Variants in RGS3 observed in about 807,000 individuals in gnomAD.
The protein encoded by RGS3 is regulator of G-protein signalling 3.
A neutral mutation model predicts 132.6 loss-of-function variants in RGS3; 80 were observed. The observed-to-expected ratio is 0.60, with a 90% CI of 0.50 to 0.73. The LOEUF (loss-of-function observed/expected upper bound fraction) is 0.73, where lower values mean the gene tolerates loss of function less well. Among genes scored for constraint, RGS3 ranks in the 30% least tolerant of loss-of-function variants. RGS3 has a pLI of 0.00. For synonymous variants in RGS3, 598 were observed against 620.6 expected, an observed-to-expected ratio of 0.96 and a Z score of 0.54; for missense variants, 1,382 against 1,530.8, an observed-to-expected ratio of 0.90 and a Z score of 1.62.
At position 113,554,180 on chromosome 9, in the gene RGS3, G is replaced by A. The variant is rs1833475088; in HGVS notation, c.2037+17262G>A. Among the ~76,000 whole-genome samples the A allele has an allele frequency of 2.6e-5, 4 of 152,274 alleles. No individual in the cohort carries two copies. In the South Asian group the frequency reaches 8.3e-4, roughly 32 times the overall value. On this transcript the variant is annotated intron_variant, in intron 19 of 24. Coordinates refer to ENST00000350696, the Ensembl canonical transcript of RGS3. ...GCATTCCTACTCACAGTGAATGAGA[G>A]TGCCTGCTTCCCTACACCCTGCATA...
chr9:113,588,394 C>T (rs989286317), intron 20 of RGS3, among the ~76,000 whole-genome samples: 2 of 152,216 alleles, frequency 1.3e-5, no homozygotes, highest in African/African-American at 4.8e-5. Context: ...GAGAGGGCAG[C>T]CATGGATGGC....
rs551026711 is a variant in RGS3, at chr9:113,470,528, G to A, written c.415+8327G>A. On this transcript the variant is annotated intron_variant, in intron 3 of 24. Coordinates refer to ENST00000350696, the Ensembl canonical transcript of RGS3. Reference sequence around the variant, plus strand: ...ATGAAGTCTTCTTTATTTCTAGTAGGTATAAAGTCTAATTTTCCTGATATT... The same window carrying A: ...ATGAAGTCTTCTTTATTTCTAGTAGATATAAAGTCTAATTTTCCTGATATT... Among the ~76,000 whole-genome samples the A allele has an allele frequency of 2.6e-5, 4 of 152,230 alleles. No individual in the cohort carries two copies. In the East Asian group the frequency reaches 7.7e-4, roughly 29 times the overall value.
At position 113,565,417 on chromosome 9, in the gene RGS3, G is replaced by T; in HGVS notation, c.2038-18033G>T. On this transcript the variant is annotated intron_variant, in intron 19 of 24. Coordinates refer to ENST00000350696, the Ensembl canonical transcript of RGS3. The surrounding 1 kb of genome is among the most constrained non-coding windows in gnomAD (Gnocchi z 5.7). ...GGAAGAGGAGGAGGACAAGTAGGAG[G>T]AGGAGGAAGAGGAGGAGGGACGGGT... is the stretch of plus-strand genomic sequence containing the variant. 1 of 1,273,972 alleles carries T rather than the reference G, an allele frequency of 7.8e-7. No individual in the cohort carries two copies. Among genetic ancestry groups the T allele is most frequent in the South Asian group, 1.2e-5 (1 of 81,230 alleles). The allele number at this position is 1,273,972 out of a possible 1,614,324, so 78.9% of individuals were successfully genotyped here.
chr9:113,535,994 T>C (rs2118597397), intron 18 of RGS3, among the ~76,000 whole-genome samples: 1 of 152,280 alleles, frequency 6.6e-6, no homozygotes, highest in South Asian at 2.1e-4. Flanking sequence ...ATCCCAGAAG[T>C]CCTTCCTGGC....
chr9:113,491,847 C>A lies in RGS3; in HGVS notation c.690-3939C>A, dbSNP rs909153353. ...GGGATTACAGGCGTGAGCCACTGCG[C>A]CCAGCCAGGGCATAATCTTTTATAC... is the stretch of plus-strand genomic sequence containing the variant. On this transcript the variant is annotated intron_variant, in intron 7 of 24. Transcript: ENST00000350696. Among the ~76,000 whole-genome samples the A allele has an allele frequency of 3.9e-4, 59 of 152,356 alleles. 1 individual carries two copies. The highest frequency in any genetic ancestry group is 1.1e-3 in the African/African-American group (46 of 41,580).
At chr9:113,586,077 A>C (rs935786261) in intron 20 of RGS3, among the ~76,000 whole-genome samples, 1 of 152,226 alleles carries the variant, frequency 6.6e-6, no homozygotes, top group Admixed American at 6.5e-5. Flanking sequence ...CCCAGACCCT[A>C]TATTTTAAAC....
intron 9 of RGS3, 53 bp downstream of exon 7, chr9:113,497,457 T>G: frequency 7.0e-7 from 1 of 1,437,792 alleles, no homozygotes; most frequent in Non-Finnish European, 9.7e-7. Flanking sequence ...CCCTCCCTCC[T>G]TTCCTGCATA....
At chr9:113,596,136 A>C (rs1174746497) in intron 24 of RGS3, among the ~76,000 whole-genome samples, 1 of 152,234 alleles carries the variant, frequency 6.6e-6, no homozygotes, top group African/African-American at 2.4e-5. Flanking sequence ...GGAGTTCGAG[A>C]CCAGCCTGGC....
chr9:113,577,880 A>G (rs1453041882), intron 19 of RGS3, among the ~76,000 whole-genome samples: 2 of 152,254 alleles, frequency 1.3e-5, no homozygotes, highest in African/African-American at 4.8e-5. Context: ...TGACTTGGTC[A>G]ATATCCCTCC....
At chr9:113,467,376 A>G (rs1829677356) in intron 3 of RGS3, among the ~76,000 whole-genome samples, 1 of 152,164 alleles carries the variant, frequency 6.6e-6, no homozygotes, top group Non-Finnish European at 1.5e-5. Context: ...GTTTTTCCAC[A>G]TTCCTTACCA....
At chr9:113,471,046 A>G (rs542507350) in intron 3 of RGS3, among the ~76,000 whole-genome samples, 1 of 152,220 alleles carries the variant, frequency 6.6e-6, no homozygotes, top group South Asian at 2.1e-4. Context: ...CAGACCTAGG[A>G]TGATATTTTC....
At position 113,463,682 on chromosome 9, in the gene RGS3, A is replaced by T; in HGVS notation, c.415+1481A>T. 5 of 1,368,186 alleles carry T rather than the reference A, an allele frequency of 3.7e-6. No individual in the cohort carries two copies. The highest frequency in any genetic ancestry group is 4.7e-6 in the Non-Finnish European group (5 of 1,059,838). 84.8% of individuals were successfully genotyped at this position (1,368,186 alleles called of 1,614,324 possible). Reference sequence around the variant, plus strand: ...GGGCCGGGCGCGCCCTGGCCGTTCCAACGCTTGGGGCAGCCCTACCTCCCG... The same window carrying T: ...GGGCCGGGCGCGCCCTGGCCGTTCCTACGCTTGGGGCAGCCCTACCTCCCG... On this transcript the variant is annotated intron_variant, in intron 3 of 24. Transcript: ENST00000350696. This position sits in a 1 kb window ranked among gnomAD's most constrained non-coding sequence, Gnocchi z 4.6.
At chr9:113,501,179 T>C (rs1050019523) in intron 10 of RGS3, among the ~76,000 whole-genome samples, 3 of 152,116 alleles carry the variant, frequency 2.0e-5, no homozygotes, top group Non-Finnish European at 4.4e-5. Flanking sequence ...GGAGGTGTTG[T>C]TATAGAGCAG....
intron 1 of RGS3, among the ~76,000 whole-genome samples, chr9:113,452,126 G>A (rs535470520): frequency 1.1e-3 from 160 of 152,106 alleles, no homozygotes; most frequent in African/African-American, 3.5e-3. Flanking sequence ...AGCCTCCCGA[G>A]TAGCTAGGAC....
chr9:113,516,877 C>T (rs916081334), intron 15 of RGS3, among the ~76,000 whole-genome samples: 1 of 152,166 alleles, frequency 6.6e-6, no homozygotes, highest in African/African-American at 2.4e-5. Context: ...TTTCTTTAAG[C>T]ACCTTGCTTG....
At chr9:113,538,103 T>C (rs917836442) in intron 19 of RGS3, among the ~76,000 whole-genome samples, 1 of 152,234 alleles carries the variant, frequency 6.6e-6, no homozygotes, top group Non-Finnish European at 1.5e-5. Flanking sequence ...ATCAGTAACC[T>C]GGGACAATAG....
At chr9:113,497,991 A>G in intron 9 of RGS3, 34 bp from the exon 8 acceptor site, 4 of 1,612,616 alleles carry the variant, frequency 2.5e-6, no homozygotes, top group Non-Finnish European at 3.4e-6. Context: ...CTCTGCCACC[A>G]GAAGTTTTCT....
intron 19 of RGS3, among the ~76,000 whole-genome samples, chr9:113,539,397 C>T (rs550610284): frequency 3.9e-4 from 60 of 152,334 alleles, no homozygotes; most frequent in African/African-American, 1.4e-3. Flanking sequence ...GCAGCCTCTG[C>T]CTCCTGGGTT....
At chr9:113,505,513 C>A in exon 11 of RGS3, 1 of 1,614,058 alleles carries the variant, frequency 6.2e-7, no homozygotes, top group Middle Eastern at 1.6e-4. Context: ...GAGTCCAGGC[C>A]GTGGATTCCG....
Sources: gnomAD v4.1 joint callset for allele counts (sites outside exome capture counted in the v4.1 genomes callset) on GRCh38, gnomAD v4.1.1 for gene constraint, Gnocchi (gnomAD v3.1) non-coding constraint, MANE v1.5 for transcripts, NCBI Gene and HGNC (gene_info 2026-07-23, HGNC 2026-07-21) for gene names.